The following CD109 variants were observed in gnomAD, a reference collection of about 807,000 sequenced individuals.
CD109 encodes the protein CD109 antigen.
In CD109, 149 loss-of-function variants were observed where a neutral mutation model predicts 165.8. That is an observed-to-expected ratio of 0.90 (90% CI 0.79 to 1.03). The LOEUF (loss-of-function observed/expected upper bound fraction) is 1.03, where lower values mean the gene tolerates loss of function less well. Among genes scored for constraint, CD109 ranks in the 50% least tolerant of loss-of-function variants. The pLI is 0.00. For synonymous variants in CD109, 585 were observed against 592.1 expected (o/e 0.99, Z 0.18); for missense variants, 1,712 against 1,677.8 (o/e 1.02, Z -0.36).
Position 73,823,530 on chromosome 6 carries a change from GC to G in CD109, c.4236del (p.Cys1413AlafsTer42). The G allele has an allele frequency of 6.2e-7, 1 of 1,613,992 alleles. No individual in the cohort carries two copies. The highest frequency in any genetic ancestry group is 8.5e-7 in the Non-Finnish European group (1 of 1,179,952). On this transcript the variant is annotated frameshift_variant, in exon 33 of 33. Transcript: ENST00000287097. LOFTEE classifies it low-confidence loss of function (END_TRUNC). ...TGTGACCTTTGCAGTGATGTCCAGGGCTGCCGTCCTTGTGAGGATGGAGCTT... is the reference window on the plus strand; with the variant it reads ...TGTGACCTTTGCAGTGATGTCCAGGGTGCCGTCCTTGTGAGGATGGAGCTT... ...SSCDLCSDVQ[G>X]CRPCEDGASG...
intron 29 of CD109, among the ~76,000 whole-genome samples, 184 bp from the exon 30 acceptor site, chr6:73,814,797 A>G (rs1775878466): frequency 6.6e-6 from 1 of 152,164 alleles, no homozygotes; most frequent in Non-Finnish European, 1.5e-5. Context: ...AATTTTATAA[A>G]TTTTAATACT....
chr6:73,742,655 G>T (rs963306705), intron 5 of CD109, among the ~76,000 whole-genome samples: 1 of 152,166 alleles, frequency 6.6e-6, no homozygotes, highest in Non-Finnish European at 1.5e-5. Context: ...ATTTGATGAC[G>T]GCAGCCCTGT....
chr6:73,791,116 GGCATATATATACATACATAC>G (rs1359729334), intron 22 of CD109, among the ~76,000 whole-genome samples: 1 of 103,312 alleles, frequency 9.7e-6, no homozygotes, highest in African/African-American at 3.8e-5. Flanking sequence ...TTTATTTGGA[GGCATATATATACATACATAC>G]ATATATATAT....
chr6:73,761,455 T>C (rs1773627429), intron 7 of CD109, among the ~76,000 whole-genome samples: 1 of 152,232 alleles, frequency 6.6e-6, no homozygotes, highest in African/African-American at 2.4e-5. Context: ...AGAACTGTTT[T>C]AAGCTACTAT....
In CD109 at chr6:73,815,121, A is replaced by G. The variant is rs748092639; in HGVS notation, c.3909A>G (p.Thr1303=). Residue 1303 remains threonine (T), a splice_region_variant and synonymous_variant, in exon 30 of 33, where the codon ACA becomes ACG. Transcript: ENST00000287097. ...ATCATGTGGATTTGAATGTGTGTAC[A>G]AGGTAAGTGTCTGCTTAGGTCTCTC... ...DLNHVDLNVC[T]SFSGPGRSGM... The G allele has an allele frequency of 2.5e-6, 4 of 1,577,670 alleles. No individual in the cohort carries two copies. The highest frequency in any genetic ancestry group is 3.4e-6 in the Non-Finnish European group (4 of 1,168,812).
At chr6:73,821,861 C>A (rs1472739850) in intron 32 of CD109, among the ~76,000 whole-genome samples, 1 of 152,132 alleles carries the variant, frequency 6.6e-6, no homozygotes, top group Non-Finnish European at 1.5e-5. Context: ...ACATGTACCC[C>A]TGAACAGTAA....
chr6:73,760,696 A>G (rs1350327646), intron 7 of CD109, among the ~76,000 whole-genome samples: 2 of 151,712 alleles, frequency 1.3e-5, no homozygotes, highest in African/African-American at 4.8e-5. Context: ...AAATACAAAA[A>G]TTAGCTGGGT....
At chr6:73,727,962 A>G (rs1772201775) in intron 3 of CD109, among the ~76,000 whole-genome samples, 1 of 152,194 alleles carries the variant, frequency 6.6e-6, no homozygotes, top group Non-Finnish European at 1.5e-5. Context: ...ACCAGGGCAC[A>G]GGTCTTTGGT....
At chr6:73,718,786 T>C (rs1418354384) in intron 2 of CD109, among the ~76,000 whole-genome samples, 5 of 152,196 alleles carry the variant, frequency 3.3e-5, no homozygotes, top group Admixed American at 3.3e-4. Flanking sequence ...TCAATGTATG[T>C]AATGCTTTAG....
chr6:73,807,097 T>C, intron 25 of CD109, 25 bp downstream of exon 25: 1 of 1,559,870 alleles, frequency 6.4e-7, no homozygotes, highest in Non-Finnish European at 8.8e-7. Context: ...ATTTAATAAA[T>C]GATAGATGGG....
intron 22 of CD109, among the ~76,000 whole-genome samples, chr6:73,792,354 T>A (rs184996807): frequency 3.5e-3 from 526 of 152,340 alleles, no homozygotes; most frequent in Non-Finnish European, 5.9e-3. Context: ...TTTAAAAAAA[T>A]TATTTTTTGC....
rs372568695 is a variant in CD109, at chr6:73,783,788, G to A, written c.2187G>A (p.Glu729=). ...TGGCTACTGGTTTTGTGATCTCTGAGGACCTGGGTCTTGGACTAACAACTA... is the reference window on the plus strand; with the variant it reads ...TGGCTACTGGTTTTGTGATCTCTGAAGACCTGGGTCTTGGACTAACAACTA... ...SWVATGFVIS[E]DLGLGLTTTP... is the part of the protein sequence containing the mutation. Residue 729 remains glutamate (E), a synonymous_variant, in exon 19 of 33, where the codon GAG becomes GAA. Transcript: ENST00000287097. 12 of 1,611,746 alleles carry A rather than the reference G, an allele frequency of 7.4e-6. No individual in the cohort carries two copies. The highest frequency in any genetic ancestry group is 1.0e-5 in the Non-Finnish European group (12 of 1,178,230).
chr6:73,781,835 A>ACACACACACAC (rs150665697), intron 17 of CD109, among the ~76,000 whole-genome samples: 4 of 144,422 alleles, frequency 2.8e-5, no homozygotes, highest in South Asian at 4.4e-4. Context: ...ACACACACAC[A>ACACACACACAC]CCCCTCATCA....
upstream of CD109, chr6:73,694,302 C>T (rs192581845): frequency 6.6e-6 from 1 of 152,318 alleles, no homozygotes; most frequent in African/African-American, 2.4e-5. Flanking sequence ...GTAATAGCCT[C>T]ATCTCTATGC....
chr6:73,802,305 A>ATATATTTTTTT (rs1554183463), intron 23 of CD109, among the ~76,000 whole-genome samples: 1 of 47,608 alleles, frequency 2.1e-5, no homozygotes, highest in African/African-American at 8.5e-5. Flanking sequence ...ATATATATAT[A>ATATATTTTTTT]TTTTTTTTTT....
Position 73,803,302 on chromosome 6 carries a change from G to C in CD109, c.2960+1G>C, listed in dbSNP as rs751474983. On this transcript the variant is annotated splice_donor_variant, in intron 24 of 32. Transcript: ENST00000287097. LOFTEE classifies it high-confidence loss of function. ...ATTATGACCCTTCTGGGAGCACTTG[G>C]TAAGTGTTTTTGCCAACTGAACAAA... The C allele has an allele frequency of 6.2e-7, 1 of 1,610,438 alleles. No individual in the cohort carries two copies. Among genetic ancestry groups the C allele is most frequent in the African/African-American group, 1.3e-5 (1 of 74,638 alleles).
intron 18 of CD109, 60 bp downstream of exon 18, chr6:73,782,815 G>A (rs917751155): frequency 1.1e-5 from 17 of 1,518,932 alleles, no homozygotes; most frequent in Non-Finnish European, 1.4e-5. Context: ...TTTTAAATAA[G>A]CTTTGCCCGC....
At chr6:73,683,904 T>C in the CD109 span, among the ~76,000 whole-genome samples, 3 of 152,210 alleles carry the variant, frequency 2.0e-5, no homozygotes, top group East Asian at 5.8e-4. Context: ...CCTGCTCCCA[T>C]GATTCAATTA....
intron 23 of CD109, among the ~76,000 whole-genome samples, chr6:73,801,170 A>G (rs1483134014): frequency 1.3e-5 from 2 of 152,242 alleles, no homozygotes; most frequent in Non-Finnish European, 2.9e-5. Flanking sequence ...GTGGCCTTGG[A>G]GCCAGTGAGA....
Sources: gnomAD v4.1 joint callset for allele counts (sites outside exome capture counted in the v4.1 genomes callset) on GRCh38, gnomAD v4.1.1 for gene constraint, MANE v1.5 for transcripts, NCBI Gene and HGNC (gene_info 2026-07-23, HGNC 2026-07-21) for gene names.